CSPP1: variants seen among roughly 807,000 people sequenced by gnomAD.
CSPP1 encodes the protein centrosome and spindle pole associated protein 1.
In CSPP1, 126 loss-of-function variants were observed where a neutral mutation model predicts 164.4. The observed-to-expected ratio is 0.77, with a 90% CI of 0.66 to 0.89. The LOEUF is 0.89. Among genes scored for constraint, CSPP1 ranks in the 40% least tolerant of loss-of-function variants. The probability of loss-of-function intolerance (pLI) is 0.00; values close to 1 mark genes in which losing one functional copy is unlikely to be tolerated. For missense variants in CSPP1, 1,395 were observed against 1,449.8 expected (o/e 0.96, Z 0.61); for synonymous variants, 472 against 476.7 (o/e 0.99, Z 0.13).
Position 67,161,931 on chromosome 8 carries a change from T to A in CSPP1, c.2643+16T>A, listed in dbSNP as rs778152866. The A allele has an allele frequency of 6.0e-6, 9 of 1,503,772 alleles. No homozygotes were observed. The highest frequency in any genetic ancestry group is 7.4e-6 in the Non-Finnish European group (8 of 1,081,382). The allele number at this position is 1,503,772 out of a possible 1,614,324, so 93.2% of individuals were successfully genotyped here. On this transcript the variant is annotated intron_variant, in intron 22 of 30. Coordinates refer to ENST00000678616, the MANE Select transcript of CSPP1 (RefSeq NM_001382391.1). Reference sequence around the variant, plus strand: ...CTTTATTCATGTATGTACTTTTGTTTTTATTTGTTCATCCTAGCTCAGTTA... The same window carrying A: ...CTTTATTCATGTATGTACTTTTGTTATTATTTGTTCATCCTAGCTCAGTTA...
At chr8:67,176,370 A>G (rs1284749796) in intron 26 of CSPP1, among the ~76,000 whole-genome samples, 1 of 152,166 alleles carries the variant, frequency 6.6e-6, no homozygotes, top group African/African-American at 2.4e-5. Context: ...TTCATGAGAT[A>G]GCATCACAGG....
intron 9 of CSPP1, among the ~76,000 whole-genome samples, chr8:67,107,996 T>TTG (rs1815965194): frequency 6.6e-6 from 1 of 150,844 alleles, no homozygotes; most frequent in South Asian, 2.1e-4. Flanking sequence ...TTTTTTTTTT[T>TTG]TTTTTGTTTG....
At chr8:67,128,629 T>G (rs1188861290) in intron 15 of CSPP1, among the ~76,000 whole-genome samples, 1 of 152,038 alleles carries the variant, frequency 6.6e-6, no homozygotes, top group East Asian at 1.9e-4. Flanking sequence ...CGGTTACTAT[T>G]ATGAGACTTT....
intron 9 of CSPP1, among the ~76,000 whole-genome samples, chr8:67,106,292 ATCT>A (rs1349732164): frequency 6.6e-6 from 1 of 151,702 alleles, no homozygotes; most frequent in Non-Finnish European, 1.5e-5. Flanking sequence ...AGTTTCAGTA[ATCT>A]TTTTTTTTTG....
At chr8:67,153,928 T>TA (rs1826181260) in intron 18 of CSPP1, 96 bp from the exon 19 acceptor site, 38 of 587,168 alleles carry the variant, frequency 6.5e-5, no homozygotes, top group South Asian at 2.6e-4. Context: ...TTTTTTTTTT[T>TA]TAAAAATGAA....
chr8:67,193,974 G>A (rs931882432), intron 30 of CSPP1, among the ~76,000 whole-genome samples: 1 of 152,206 alleles, frequency 6.6e-6, no homozygotes, highest in Non-Finnish European at 1.5e-5. Context: ...CACTTATGCT[G>A]TATATTTGCA....
At chr8:67,113,704 T>C in intron 10 of CSPP1, 101 bp from the exon 11 acceptor site, 3 of 595,978 alleles carry the variant, frequency 5.0e-6, no homozygotes, top group Non-Finnish European at 8.8e-6. Flanking sequence ...TTTTTGTAGA[T>C]GTAGTGCATA....
intron 3 of CSPP1, 41 bp from the exon 4 acceptor site, chr8:67,085,966 G>T (rs2129543509): frequency 2.3e-6 from 2 of 853,454 alleles, no homozygotes; most frequent in African/African-American, 1.7e-5. Flanking sequence ...TTTGAGATTG[G>T]TTTGAAAATG....
intron 7 of CSPP1, among the ~76,000 whole-genome samples, chr8:67,098,402 C>T (rs1813293817): frequency 6.7e-6 from 1 of 148,746 alleles, no homozygotes; most frequent in South Asian, 2.1e-4. Context: ...TAAACGTTTA[C>T]TTTTTTTTCA....
chr8:67,130,453 C>G (rs1339924643), intron 15 of CSPP1, among the ~76,000 whole-genome samples: 1 of 152,160 alleles, frequency 6.6e-6, no homozygotes, highest in East Asian at 1.9e-4. Flanking sequence ...ACCCTCTCAA[C>G]CTTCTTTATT....
intron 28 of CSPP1, among the ~76,000 whole-genome samples, chr8:67,187,015 A>ATCT (rs1554622825): frequency 7.0e-5 from 10 of 142,976 alleles, no homozygotes; most frequent in African/African-American, 2.4e-4. Flanking sequence ...CTATCTATCT[A>ATCT]ATCTATCTAT....
intron 4 of CSPP1, among the ~76,000 whole-genome samples, chr8:67,088,042 C>T (rs780395066): frequency 6.6e-6 from 1 of 152,154 alleles, no homozygotes; most frequent in Admixed American, 6.5e-5. Context: ...ACATGTCTTT[C>T]GTGTTCCAGC....
intron 20 of CSPP1, 122 bp downstream of exon 20, chr8:67,158,718 C>G: frequency 8.1e-7 from 1 of 1,227,160 alleles, no homozygotes; most frequent in Non-Finnish European, 1.1e-6. Flanking sequence ...AATATCAGAT[C>G]AATATACATT....
At position 67,179,923 on chromosome 8, in the gene CSPP1, A is replaced by G. The variant is rs1832612027; in HGVS notation, c.3217A>G (p.Ile1073Val). Reference protein sequence around the residue: ...NSLLESDSAFIGAYGETYPAI... With the variant: ...NSLLESDSAFVGAYGETYPAI... ...ATTATTGGAATCTGATAGTGCTTTT[A>G]TTGGTGAGTATATTTATTTTATTAA... The change falls in exon 28 of 31, where the codon ATT (isoleucine) becomes GTT (valine). Residue 1073 changes from isoleucine to valine, a missense_variant. Physicochemically the swap from Ile to Val is conservative, Grantham distance 29 (BLOSUM62 3). Transcript: ENST00000678616. 1 of 1,517,868 alleles carries G rather than the reference A, an allele frequency of 6.6e-7. No individual in the cohort carries two copies. Among genetic ancestry groups the G allele is most frequent in the Non-Finnish European group, 9.1e-7 (1 of 1,093,684 alleles). The allele number at this position is 1,517,868 out of a possible 1,614,324, so 94.0% of individuals were successfully genotyped here.
intron 3 of CSPP1, chr8:67,080,853 G>A (rs1233352899): frequency 2.0e-5 from 3 of 152,218 alleles, no homozygotes; most frequent in African/African-American, 4.8e-5. Context: ...GTATGTGACA[G>A]GATACAGAAT....
At chr8:67,146,723 A>G (rs1824647149) in intron 17 of CSPP1, among the ~76,000 whole-genome samples, 1 of 152,222 alleles carries the variant, frequency 6.6e-6, no homozygotes, top group Non-Finnish European at 1.5e-5. Context: ...ACCAAAGTAT[A>G]AAGAGTAGCA....
intron 7 of CSPP1, among the ~76,000 whole-genome samples, chr8:67,100,504 G>A (rs1813828225): frequency 6.6e-6 from 1 of 151,842 alleles, no homozygotes; most frequent in Non-Finnish European, 1.5e-5. Flanking sequence ...AAAAGCTTTT[G>A]TATATTTAAC....
At chr8:67,113,620 T>G (rs1817330945) in intron 10 of CSPP1, among the ~76,000 whole-genome samples, 185 bp from the exon 11 acceptor site, 1 of 152,226 alleles carries the variant, frequency 6.6e-6, no homozygotes, top group African/African-American at 2.4e-5. Context: ...AATTCTAGTT[T>G]ACTTTGTATC....
intron 18 of CSPP1, among the ~76,000 whole-genome samples, chr8:67,152,475 T>G (rs1286032625): frequency 2.6e-5 from 4 of 152,270 alleles, no homozygotes; most frequent in African/African-American, 9.6e-5. Context: ...TTTGGCTTAT[T>G]ATCATGCCAA....
Sources: allele counts gnomAD v4.1 joint callset (sites outside exome capture counted in the v4.1 genomes callset), GRCh38; gene constraint gnomAD v4.1.1; transcripts MANE v1.5; gene names NCBI Gene and HGNC (gene_info 2026-07-23, HGNC 2026-07-21).